BIN3: variants seen among roughly 807,000 people sequenced by gnomAD.
BIN3 encodes the protein bridging integrator 3.
A neutral mutation model predicts 38.2 loss-of-function variants in BIN3; 41 were observed. That is an observed-to-expected ratio of 1.07 (90% CI 0.84 to 1.39). The LOEUF is 1.39. Among genes scored for constraint, BIN3 ranks in the 40% most tolerant of loss-of-function variants. BIN3 has a pLI of 0.00. For synonymous variants in BIN3, 145 were observed against 122.6 expected, an observed-to-expected ratio of 1.18 and a Z score of -1.21; for missense variants, 361 against 324.3, an observed-to-expected ratio of 1.11 and a Z score of -0.87.
intron 1 of BIN3, among the ~76,000 whole-genome samples, chr8:22,651,319 C>G (rs1802882072): frequency 6.6e-6 from 1 of 152,218 alleles, no homozygotes; most frequent in Admixed American, 6.5e-5. Flanking sequence ...TTTGCATCTT[C>G]CGGACAGTCT....
At chr8:22,629,566 T>C (rs1182167955) in intron 6 of BIN3, 1 of 225,214 alleles carries the variant, frequency 4.4e-6, no homozygotes, top group Non-Finnish European at 8.9e-6. Context: ...GCAGCTGCTC[T>C]CCCAAGCTGG....
chr8:22,633,246 G>A (rs1802264696), intron 4 of BIN3, among the ~76,000 whole-genome samples: 2 of 152,120 alleles, frequency 1.3e-5, no homozygotes. Context: ...GAAGCAGGAG[G>A]ATCCCTTGAG....
chr8:22,628,927 G>C (rs1161793836), intron 6 of BIN3, among the ~76,000 whole-genome samples: 39 of 152,228 alleles, frequency 2.6e-4, no homozygotes, highest in East Asian at 1.9e-4. Context: ...GTCCCCAGCA[G>C]GCAGGGGGTG....
chr8:22,640,374 A>C lies in BIN3; in HGVS notation c.58-3412T>G, dbSNP rs550751573. 5.0e-5 allele frequency among the ~76,000 whole-genome samples: 7 copies of C among 140,606 alleles called. No individual in the cohort carries two copies. The East Asian group carries it at 1.2e-3, about 25-fold the overall frequency. 92.2% of individuals were successfully genotyped at this position (140,606 alleles called of 152,430 possible). ...TTTGAATTTTTTTTTTTTTTTTGGT[A>C]GAGATGGGGTCACCATGTTGCCTGG... On this transcript the variant is annotated intron_variant, in intron 2 of 8. Transcript: ENST00000276416.
Position 22,655,279 on chromosome 8 carries a change from T to A in BIN3, c.9-10476A>T, listed in dbSNP as rs531921849. ...CTTTGAAGCAGAAAGTTTTAAATTTTGATGAAGTCCAATTTATCTGTTTTT... is the reference window on the plus strand; with the variant it reads ...CTTTGAAGCAGAAAGTTTTAAATTTAGATGAAGTCCAATTTATCTGTTTTT... On this transcript the variant is annotated intron_variant, in intron 1 of 8. Transcript: ENST00000276416. 4.6e-5 allele frequency among the ~76,000 whole-genome samples: 7 copies of A among 151,360 alleles called. No homozygotes were observed. In the South Asian group the frequency reaches 1.4e-3, roughly 31 times the overall value.
At chr8:22,627,116 C>G (rs1201056000) in intron 6 of BIN3, among the ~76,000 whole-genome samples, 1 of 152,192 alleles carries the variant, frequency 6.6e-6, no homozygotes, top group Non-Finnish European at 1.5e-5. Flanking sequence ...ATGACAGCAC[C>G]CCTTAGCCAC....
chr8:22,654,956 G>A (rs1001791625), intron 1 of BIN3, among the ~76,000 whole-genome samples: 1 of 152,090 alleles, frequency 6.6e-6, no homozygotes, highest in Non-Finnish European at 1.5e-5. Flanking sequence ...GGTATATAAG[G>A]GTTCCAATTT....
chr8:22,629,932 T>G, intron 6 of BIN3, 32 bp downstream of exon 6: 1 of 1,581,168 alleles, frequency 6.3e-7, no homozygotes, highest in Non-Finnish European at 8.6e-7. Flanking sequence ...CTCCCATAAG[T>G]GCCCCGAGGC....
At chr8:22,639,892 G>A (rs114109458) in intron 2 of BIN3, among the ~76,000 whole-genome samples, 1,829 of 150,968 alleles carry the variant, frequency 0.012, 41 homozygotes, top group African/African-American at 0.042. Flanking sequence ...GCGGAGTTTC[G>A]CTCTTGTCAC....
Position 22,624,209 on chromosome 8 carries a change from T to C in BIN3, c.480+13A>G, listed in dbSNP as rs1338971690. On this transcript the variant is annotated intron_variant, in intron 7 of 8. Transcript: ENST00000276416. ...CACCTGTCTAGCCCCTGCCCACCTGTCTCCCCTGGTACCTGGTGGAGCTTG... is the reference window on the plus strand; with the variant it reads ...CACCTGTCTAGCCCCTGCCCACCTGCCTCCCCTGGTACCTGGTGGAGCTTG... 6.2e-7 allele frequency: 1 copy of C among 1,611,780 alleles called. No homozygotes were observed. Among genetic ancestry groups the C allele is most frequent in the Admixed American group, 1.7e-5 (1 of 59,844 alleles).
At position 22,624,007 on chromosome 8, in the gene BIN3, T is replaced by G; in HGVS notation, c.523A>C (p.Lys175Gln). 6.2e-7 allele frequency: 1 copy of G among 1,612,286 alleles called. No homozygotes were observed. Among genetic ancestry groups the G allele is most frequent in the South Asian group, 1.1e-5 (1 of 91,010 alleles). Residue 175 changes from lysine (K) to glutamine (Q), a missense_variant, in exon 8 of 9, where the codon AAG becomes CAG. Transcript: ENST00000276416. The stretch of plus-strand genomic sequence containing the variant: ...ATCTCCTCCAGCAGCTGCCTGTTCT[T>G]GGCTTCAAAGTCCTCCCGCACAGGC... ...LRPVREDFEA[K>Q]NRQLLEEMPR... is the part of the protein sequence containing the mutation.
chr8:22,659,140 C>T (rs75261976), intron 1 of BIN3, among the ~76,000 whole-genome samples: 5,202 of 152,328 alleles, frequency 0.034, 298 homozygotes, highest in African/African-American at 0.12. Flanking sequence ...GGATGCCATC[C>T]TCTGTGTCGG....
Position 22,630,069 on chromosome 8 carries a change from GC to G in BIN3, c.298-66del, listed in dbSNP as rs1188327942. ...AGGGGAGGGCGACACGCAAGGCAGG[GC>G]CCCTAACTACCAAAGGGCTAGGAAG... On this transcript the variant is annotated intron_variant, in intron 5 of 8. Transcript: ENST00000276416. 5 of 1,470,620 alleles carry G rather than the reference GC, an allele frequency of 3.4e-6. No homozygotes were observed. The African/African-American group carries it at 7.0e-5, about 20-fold the overall frequency. The allele number at this position is 1,470,620 out of a possible 1,614,324, so 91.1% of individuals were successfully genotyped here.
At chr8:22,659,612 G>A (rs1399248642) in intron 1 of BIN3, among the ~76,000 whole-genome samples, 2 of 152,170 alleles carry the variant, frequency 1.3e-5, no homozygotes, top group South Asian at 2.1e-4. Flanking sequence ...TGATACATCC[G>A]TTTATTTGAA....
At chr8:22,668,570 G>A (rs1160091620) in intron 1 of BIN3, among the ~76,000 whole-genome samples, 2 of 152,190 alleles carry the variant, frequency 1.3e-5, no homozygotes, top group African/African-American at 4.8e-5. Flanking sequence ...GTCTTTTGAA[G>A]CCTGCTAAGT....
chr8:22,653,253 C>A (rs747867591), intron 1 of BIN3, among the ~76,000 whole-genome samples: 1 of 152,094 alleles, frequency 6.6e-6, no homozygotes, highest in East Asian at 1.9e-4. Flanking sequence ...CAGTGTGTTC[C>A]GCTGATTTGC....
chr8:22,644,751 T>G lies in BIN3; in HGVS notation c.57+4A>C, dbSNP rs202034562. 1.0e-4 allele frequency: 168 copies of G among 1,611,066 alleles called. 1 individual carries two copies. The East Asian group carries it at 2.8e-3, about 27-fold the overall frequency. ...TCTCACAGCAAAACAATCGAGTTAC[T>G]CACTGTTTTGGGCACAATCTGTTTC... is the stretch of plus-strand genomic sequence containing the variant. On this transcript the variant is annotated splice_donor_region_variant and intron_variant, in intron 2 of 8. Transcript: ENST00000276416.
intron 1 of BIN3, among the ~76,000 whole-genome samples, chr8:22,663,207 AGTGTGTGTGTGT>A (rs3220194): frequency 8.7e-5 from 13 of 150,260 alleles, no homozygotes; most frequent in African/African-American, 2.4e-4. Flanking sequence ...TTCAAGTATA[AGTGTGTGTGTGT>A]GTGTGTGTGT....
chr8:22,664,899 T>A (rs1311183574), intron 1 of BIN3, among the ~76,000 whole-genome samples: 1 of 152,230 alleles, frequency 6.6e-6, no homozygotes, highest in African/African-American at 2.4e-5. Context: ...AAAAACTGAA[T>A]AATGGTTTTG....
Sources: gnomAD v4.1 joint callset for allele counts (sites outside exome capture counted in the v4.1 genomes callset) on GRCh38, gnomAD v4.1.1 for gene constraint, MANE v1.5 for transcripts, NCBI Gene and HGNC (gene_info 2026-07-23, HGNC 2026-07-21) for gene names.